WLS: variants seen among roughly 807,000 people sequenced by gnomAD.
The protein encoded by WLS is protein wntless homolog.
WLS carries 23 observed loss-of-function variants against 62.8 expected under a neutral mutation model. The ratio of observed to expected loss-of-function variants is 0.37; its 90% CI spans 0.26 to 0.52. WLS has a LOEUF of 0.52. Ranked by LOEUF, WLS falls within the 20% of genes least tolerant of loss-of-function variation. The pLI, the probability that WLS is intolerant of heterozygous loss-of-function variation, is 0.92. For missense variants in WLS, 615 were observed against 697.3 expected, an observed-to-expected ratio of 0.88 and a Z score of 1.33; for synonymous variants, 246 against 244.1, an observed-to-expected ratio of 1.01 and a Z score of -0.07.
At chr1:68,098,675 G>C (rs530106043) in exon 12 of WLS, 2 of 1,613,884 alleles carry the variant, frequency 1.2e-6, no homozygotes, top group Middle Eastern at 1.7e-4. Flanking sequence ...GGAATATTTC[G>C]AAGCGCTGAA....
In WLS at chr1:68,213,375, C is replaced by T. The variant is rs151198224; in HGVS notation, c.106+18819G>A. Among the ~76,000 whole-genome samples the T allele has an allele frequency of 8.1e-3, 1,201 of 148,484 alleles. 51 individuals carry two copies. The highest frequency in any genetic ancestry group is 0.063 in the Admixed American group (918 of 14,606). On this transcript the variant is annotated intron_variant, in intron 1 of 11. Transcript: ENST00000262348. ...CTGAGGCAGGAGAATCACTTGAACC[C>T]GGGACGCAGAGGTTGCAGTGAGCTG...
At chr1:68,207,585 C>T (rs1010144164) in intron 1 of WLS, among the ~76,000 whole-genome samples, 1 of 152,198 alleles carries the variant, frequency 6.6e-6, no homozygotes, top group Non-Finnish European at 1.5e-5. Flanking sequence ...AAGGGACTTA[C>T]TTTCACAGGA....
chr1:68,224,117 C>G (rs1269106587), intron 1 of WLS, among the ~76,000 whole-genome samples: 1 of 152,138 alleles, frequency 6.6e-6, no homozygotes, highest in Non-Finnish European at 1.5e-5. Flanking sequence ...AGGGAATTAA[C>G]CAGATGTTTA....
At chr1:68,117,846 A>T (rs1302345131) in intron 11 of WLS, 1 of 152,132 alleles carries the variant, frequency 6.6e-6, no homozygotes, top group Non-Finnish European at 1.5e-5. Context: ...CAATGACATG[A>T]TCTCCCCAGC....
intron 2 of WLS, among the ~76,000 whole-genome samples, chr1:68,180,614 T>G (rs1368489774): frequency 6.6e-6 from 1 of 152,164 alleles, no homozygotes; most frequent in Admixed American, 6.5e-5. Context: ...TCTTTTGACC[T>G]CCACATTTTC....
intron 3 of WLS, 62 bp from the exon 4 acceptor site, chr1:68,155,322 C>G (rs995169260): frequency 4.5e-6 from 7 of 1,543,208 alleles, no homozygotes; most frequent in Non-Finnish European, 5.2e-6. Context: ...GCTCTGAATT[C>G]TGTTACCCTG....
At chr1:68,176,100 T>C (rs1305463555) in intron 2 of WLS, among the ~76,000 whole-genome samples, 4 of 152,126 alleles carry the variant, frequency 2.6e-5, no homozygotes, top group Admixed American at 6.6e-5. Context: ...ACAAAAATAA[T>C]ATGGCTGGTG....
chr1:68,148,683 G>A, intron 6 of WLS, 23 bp from the exon 7 acceptor site: 1 of 1,609,232 alleles, frequency 6.2e-7, no homozygotes, highest in East Asian at 2.2e-5. Context: ...AAATTGAGAA[G>A]GGAGATAGAG....
intron 1 of WLS, among the ~76,000 whole-genome samples, chr1:68,210,801 G>C (rs1649483975): frequency 6.6e-6 from 1 of 152,162 alleles, no homozygotes; most frequent in South Asian, 2.1e-4. Context: ...ATGTTGTTTA[G>C]GTGACACAAA....
intron 1 of WLS, among the ~76,000 whole-genome samples, chr1:68,216,707 C>A (rs956301091): frequency 1.3e-5 from 2 of 152,156 alleles, no homozygotes; most frequent in African/African-American, 4.8e-5. Flanking sequence ...ACTTTACAGA[C>A]TGGAGCCCTG....
At chr1:68,220,339 A>C (rs1328205563) in intron 1 of WLS, among the ~76,000 whole-genome samples, 1 of 152,204 alleles carries the variant, frequency 6.6e-6, no homozygotes, top group East Asian at 1.9e-4. Context: ...TTGAAAAGTT[A>C]ATTATGGGCA....
At chr1:68,172,459 T>A (rs1437650540) in intron 2 of WLS, among the ~76,000 whole-genome samples, 5 of 146,228 alleles carry the variant, frequency 3.4e-5, no homozygotes, top group African/African-American at 1.2e-4. Flanking sequence ...ACAATTAAAC[T>A]TCTTCTATAA....
intron 1 of WLS, among the ~76,000 whole-genome samples, chr1:68,220,605 A>G (rs557300651): frequency 6.6e-6 from 1 of 152,300 alleles, no homozygotes; most frequent in African/African-American, 2.4e-5. Flanking sequence ...TATTATAGAA[A>G]TCCATCACTT....
intron 2 of WLS, among the ~76,000 whole-genome samples, chr1:68,179,876 C>T (rs1176866104): frequency 6.6e-6 from 1 of 152,118 alleles, no homozygotes; most frequent in African/African-American, 2.4e-5. Context: ...AGGTAGATCT[C>T]GAATTACTGA....
At chr1:68,140,242 C>T (rs1313957167) in intron 10 of WLS, among the ~76,000 whole-genome samples, 1 of 152,058 alleles carries the variant, frequency 6.6e-6, no homozygotes, top group Non-Finnish European at 1.5e-5. Context: ...GGCTCTGACT[C>T]CAAAAGAAGG....
intron 2 of WLS, chr1:68,162,821 C>A (rs1337099270): frequency 1.6e-6 from 2 of 1,275,204 alleles, no homozygotes; most frequent in East Asian, 2.3e-5. Context: ...TTTTCTAGGT[C>A]CTCCCTGGTG....
intron 5 of WLS, among the ~76,000 whole-genome samples, chr1:68,152,665 AGAG>A (rs1406137487): frequency 6.6e-6 from 1 of 152,244 alleles, no homozygotes; most frequent in African/African-American, 2.4e-5. Flanking sequence ...AAGAGAGAAC[AGAG>A]GAGAAGACAT....
chr1:68,126,849 TC>T (rs566359609), intron 11 of WLS, among the ~76,000 whole-genome samples: 2 of 152,044 alleles, frequency 1.3e-5, no homozygotes, highest in South Asian at 4.1e-4. Context: ...ATAACACCCC[TC>T]CCAACGGATG....
intron 11 of WLS, among the ~76,000 whole-genome samples, chr1:68,130,011 C>T (rs1045805223): frequency 1.3e-5 from 2 of 152,204 alleles, no homozygotes; most frequent in African/African-American, 4.8e-5. Context: ...ATCTCTGGCA[C>T]AGATTTCATC....
Sources: gnomAD v4.1 joint callset for allele counts (sites outside exome capture counted in the v4.1 genomes callset) on GRCh38, gnomAD v4.1.1 for gene constraint, MANE v1.5 for transcripts, NCBI Gene and HGNC (gene_info 2026-07-23, HGNC 2026-07-21) for gene names.